TMEM218: variants seen among roughly 807,000 people sequenced by gnomAD.
TMEM218 encodes the protein transmembrane protein 218.
TMEM218 carries 8 observed loss-of-function variants against 10.0 expected under a neutral mutation model. That is an observed-to-expected ratio of 0.80 (90% CI 0.47 to 1.44). TMEM218 has a LOEUF of 1.44. TMEM218 is among the 40% of genes most tolerant of loss of function. The probability of loss-of-function intolerance (pLI) is 0.00; values close to 1 mark genes in which losing one functional copy is unlikely to be tolerated. For missense variants in TMEM218, 110 were observed against 140.1 expected, an observed-to-expected ratio of 0.79 and a Z score of 1.08; for synonymous variants, 66 against 63.5, an observed-to-expected ratio of 1.04 and a Z score of -0.18.
intron 4 of TMEM218, among the ~76,000 whole-genome samples, chr11:125,100,132 G>C (rs1167671271): frequency 6.6e-6 from 1 of 152,094 alleles, no homozygotes. Flanking sequence ...GTCAATTTTA[G>C]TTCAAAAGTT....
chr11:125,104,898 A>T (rs1225659016), intron 1 of TMEM218: 1 of 152,226 alleles, frequency 6.6e-6, no homozygotes, highest in African/African-American at 2.4e-5. Flanking sequence ...AAGAAAAATC[A>T]TTAAGTGCTA....
chr11:125,100,938 G>A (rs776368550), intron 4 of TMEM218, among the ~76,000 whole-genome samples: 2 of 152,124 alleles, frequency 1.3e-5, no homozygotes, highest in Non-Finnish European at 2.9e-5. Context: ...TTTTCAACTT[G>A]ATGCAAACTG....
At chr11:125,102,505 G>A (rs1005925752) in intron 2 of TMEM218, 188 bp from the exon 3 acceptor site, 25 of 1,456,856 alleles carry the variant, frequency 1.7e-5, no homozygotes, top group South Asian at 2.6e-5. Flanking sequence ...GGGACTGAGA[G>A]GGTGTTTTCC....
intron 1 of TMEM218, among the ~76,000 whole-genome samples, chr11:125,106,697 A>G (rs1360710526): frequency 2.6e-5 from 4 of 152,250 alleles, no homozygotes; most frequent in African/African-American, 4.8e-5. Context: ...GTGTTGACAA[A>G]GATGTGGAGT....
At chr11:125,102,459 C>T in intron 2 of TMEM218, 142 bp from the exon 3 acceptor site, 1 of 1,480,816 alleles carries the variant, frequency 6.8e-7, no homozygotes, top group Non-Finnish European at 8.9e-7. Context: ...TTAATGGAAA[C>T]TGGAAATTTA....
rs988796431 is a variant in TMEM218, at chr11:125,095,797, C to A, written c.*1809G>T. On this transcript the variant is annotated 3_prime_UTR_variant, in exon 5 of 5. Coordinates refer to ENST00000682305, the MANE Select transcript of TMEM218 (RefSeq NM_001258244.2). ...CACCCAAAACCTCATAGTTATTATC[C>A]ATTGATCTAATAGTTGAATAACTTT... is the stretch of plus-strand genomic sequence containing the variant. Among the ~76,000 whole-genome samples, 1 of 152,110 alleles carries A rather than the reference C, an allele frequency of 6.6e-6. No homozygotes were observed. The highest frequency in any genetic ancestry group is 2.4e-5 in the African/African-American group (1 of 41,406).
rs556739819 is a variant in TMEM218 at position 125,095,884 on chromosome 11, T to A, written c.*1722A>T. Among the ~76,000 whole-genome samples the A allele has an allele frequency of 1.1e-4, 17 of 152,286 alleles. No individual in the cohort carries two copies. The highest frequency in any genetic ancestry group is 4.1e-4 in the African/African-American group (17 of 41,554). On this transcript the variant is annotated 3_prime_UTR_variant, in exon 5 of 5. Transcript: ENST00000682305. ...CCTATAAGAGTTTTCCCAGAGTTAC[T>A]TTTTTAGCAAGGCTCTCAGAAGAAG...
At chr11:125,105,516 T>C (rs1285068744) in intron 1 of TMEM218, among the ~76,000 whole-genome samples, 2 of 152,184 alleles carry the variant, frequency 1.3e-5, no homozygotes, top group Admixed American at 1.3e-4. Flanking sequence ...GAGAAAATTA[T>C]TAAGAAATAT....
chr11:125,098,771 A>G (rs1372609417), intron 4 of TMEM218, among the ~76,000 whole-genome samples: 2 of 152,208 alleles, frequency 1.3e-5, no homozygotes, highest in Non-Finnish European at 2.9e-5. Flanking sequence ...GGTGGACCCA[A>G]TCTAATCACA....
intron 1 of TMEM218, chr11:125,103,347 C>T (rs1440232821): frequency 2.6e-5 from 4 of 152,534 alleles, no homozygotes; most frequent in Admixed American, 6.5e-5. Flanking sequence ...AACCACCCCC[C>T]TGCATCCCCC....
At chr11:125,098,291 C>T (rs534314445) in intron 4 of TMEM218, among the ~76,000 whole-genome samples, 1 of 152,138 alleles carries the variant, frequency 6.6e-6, no homozygotes, top group Non-Finnish European at 1.5e-5. Context: ...TGACCATTTA[C>T]CTGAGATACT....
intron 4 of TMEM218, 134 bp downstream of exon 4, chr11:125,101,067 G>A (rs145121475): frequency 1.0e-4 from 67 of 655,282 alleles, no homozygotes; most frequent in East Asian, 7.5e-4. Flanking sequence ...AACTTTCCCC[G>A]TCATTGGTTG....
At chr11:125,106,639 T>C (rs980389896) in intron 1 of TMEM218, among the ~76,000 whole-genome samples, 1 of 152,222 alleles carries the variant, frequency 6.6e-6, no homozygotes, top group African/African-American at 2.4e-5. Flanking sequence ...TTCAGTGCCT[T>C]CATATACCCA....
intron 1 of TMEM218, among the ~76,000 whole-genome samples, chr11:125,107,519 G>GA (rs1488980995): frequency 6.6e-6 from 1 of 151,906 alleles, no homozygotes; most frequent in Non-Finnish European, 1.5e-5. Flanking sequence ...TATTTTCAGT[G>GA]AAAAAACACT....
chr11:125,109,164 A>G (rs1024333528), intron 1 of TMEM218, among the ~76,000 whole-genome samples: 1 of 132,156 alleles, frequency 7.6e-6, no homozygotes, highest in Non-Finnish European at 1.7e-5. Context: ...AAATTGATCT[A>G]TATGTATTGA....
At chr11:125,109,699 A>T (rs550782480) in intron 1 of TMEM218, among the ~76,000 whole-genome samples, 5 of 152,234 alleles carry the variant, frequency 3.3e-5, no homozygotes, top group Non-Finnish European at 5.9e-5. Context: ...AGCTGTGTCA[A>T]GGGAGAAGGT....
intron 1 of TMEM218, among the ~76,000 whole-genome samples, chr11:125,107,843 A>C (rs1027989007): frequency 5.3e-5 from 8 of 150,742 alleles, no homozygotes; most frequent in Non-Finnish European, 8.9e-5. Context: ...ATAAAAGATG[A>C]GTAAGATTTG....
chr11:125,106,544 A>C (rs73012272), intron 1 of TMEM218, among the ~76,000 whole-genome samples: 120 of 152,364 alleles, frequency 7.9e-4, no homozygotes, highest in Non-Finnish European at 1.4e-3. Flanking sequence ...TAAACACTTG[A>C]GAAAGAGGAT....
intron 4 of TMEM218, 57 bp from the exon 5 acceptor site, chr11:125,097,797 T>C (rs1409839395): frequency 6.4e-7 from 1 of 1,553,194 alleles, no homozygotes. Flanking sequence ...CTGGCTGGGT[T>C]AACCTGAACT....
Sources: gnomAD v4.1 joint callset for allele counts (sites outside exome capture counted in the v4.1 genomes callset) on GRCh38, gnomAD v4.1.1 for gene constraint, MANE v1.5 for transcripts, NCBI Gene and HGNC (gene_info 2026-07-23, HGNC 2026-07-21) for gene names.